Variants in NELL1 observed in about 807,000 individuals in gnomAD.
NELL1 encodes neural EGFL like 1, also known as protein kinase C-binding protein NELL1.
NELL1 carries 76 observed loss-of-function variants against 107.4 expected under a neutral mutation model. That is an observed-to-expected ratio of 0.71 (90% CI 0.59 to 0.86). The LOEUF is 0.86. Among genes scored for constraint, NELL1 ranks in the 40% least tolerant of loss-of-function variants. The pLI is 0.00. For missense variants in NELL1, 1,024 were observed against 1,005.5 expected (o/e 1.02, Z -0.25); for synonymous variants, 353 against 341.2 (o/e 1.03, Z -0.38).
chr11:21,282,346 AT>A (rs910764133), intron 14 of NELL1, among the ~76,000 whole-genome samples: 1 of 152,026 alleles, frequency 6.6e-6, no homozygotes, highest in East Asian at 1.9e-4. Context: ...CACCTGGCTA[AT>A]TTTTGTGGTT....
At chr11:21,445,451 C>T (rs1853401202) in intron 15 of NELL1, among the ~76,000 whole-genome samples, 1 of 152,036 alleles carries the variant, frequency 6.6e-6, no homozygotes, top group Non-Finnish European at 1.5e-5. Flanking sequence ...TTCAGCCTCC[C>T]GAGTAGCTGG....
chr11:21,285,713 T>C (rs748809975), intron 14 of NELL1, among the ~76,000 whole-genome samples: 7 of 152,228 alleles, frequency 4.6e-5, no homozygotes, highest in Non-Finnish European at 1.0e-4. Flanking sequence ...GAACTATCGA[T>C]TGTAAACTCT....
At chr11:21,209,119 C>A (rs1190173936) in intron 13 of NELL1, among the ~76,000 whole-genome samples, 1 of 152,176 alleles carries the variant, frequency 6.6e-6, no homozygotes, top group Non-Finnish European at 1.5e-5. Context: ...GATTCTGGCA[C>A]ATAACGGGTT....
At chr11:20,718,233 C>A (rs1855298869) in intron 2 of NELL1, among the ~76,000 whole-genome samples, 1 of 152,162 alleles carries the variant, frequency 6.6e-6, no homozygotes, top group Non-Finnish European at 1.5e-5. Flanking sequence ...CCTATAGTCA[C>A]AAGCCACACG....
At chr11:20,699,384 G>A (rs1315428813) in intron 2 of NELL1, among the ~76,000 whole-genome samples, 1 of 150,312 alleles carries the variant, frequency 6.7e-6, no homozygotes, top group Non-Finnish European at 1.5e-5. Context: ...TTTTTGAGAT[G>A]GAGTCTCGCT....
chr11:21,522,060 C>T (rs942324242), intron 15 of NELL1, among the ~76,000 whole-genome samples: 6 of 152,060 alleles, frequency 3.9e-5, no homozygotes, highest in African/African-American at 1.4e-4. Context: ...TGTCTCTTCA[C>T]TCTGTTGTGC....
chr11:21,506,135 T>C (rs11601244), intron 15 of NELL1, among the ~76,000 whole-genome samples: 23,266 of 152,222 alleles, frequency 0.15, 1,950 homozygotes, highest in Non-Finnish European at 0.19. Context: ...AATGATATTG[T>C]TAAAAGGCCA....
intron 14 of NELL1, among the ~76,000 whole-genome samples, chr11:21,273,091 G>A (rs1590792366): frequency 6.6e-6 from 1 of 152,016 alleles, no homozygotes; most frequent in African/African-American, 2.4e-5. Flanking sequence ...GGCTTCAGAC[G>A]ATCAAACTAC....
intron 2 of NELL1, among the ~76,000 whole-genome samples, chr11:20,719,468 G>A (rs1171548959): frequency 6.6e-6 from 1 of 151,820 alleles, no homozygotes; most frequent in Non-Finnish European, 1.5e-5. Context: ...TTGGAAAAAG[G>A]AAGAATGGAG....
At chr11:21,431,086 TATG>T (rs1335691084) in intron 15 of NELL1, among the ~76,000 whole-genome samples, 2 of 152,158 alleles carry the variant, frequency 1.3e-5, no homozygotes, top group Non-Finnish European at 2.9e-5. Context: ...TATCATAATT[TATG>T]ATGATATTGA....
At chr11:21,227,543 A>G (rs1017850256) in intron 13 of NELL1, among the ~76,000 whole-genome samples, 1 of 152,178 alleles carries the variant, frequency 6.6e-6, no homozygotes, top group African/African-American at 2.4e-5. Flanking sequence ...CTTGGAGTAT[A>G]AGTCTGAATC....
At chr11:20,804,085 A>T (rs116921725) in intron 3 of NELL1, among the ~76,000 whole-genome samples, 11,161 of 151,552 alleles carry the variant, frequency 0.074, 476 homozygotes, top group Middle Eastern at 0.16. Context: ...ATATTCCATT[A>T]GTTCTGCCCC....
At position 21,117,925 on chromosome 11, in the gene NELL1, T is replaced by C. The variant is rs185018547; in HGVS notation, c.1426+4211T>C. ...TCCACAAAGGGATGAGAAAATACTG[T>C]CCTACCTCATGCCTGGAATGGTAGA... On this transcript the variant is annotated intron_variant, in intron 13 of 19. Coordinates refer to ENST00000357134, the MANE Select transcript of NELL1 (RefSeq NM_006157.5). 8.8e-4 allele frequency among the ~76,000 whole-genome samples: 134 copies of C among 152,088 alleles called. No individual in the cohort carries two copies. In the South Asian group the frequency reaches 9.5e-3, roughly 11 times the overall value.
At chr11:21,408,770 G>A (rs1187108595) in intron 15 of NELL1, among the ~76,000 whole-genome samples, 4 of 152,056 alleles carry the variant, frequency 2.6e-5, no homozygotes, top group African/African-American at 9.7e-5. Context: ...AGTGGGCAAA[G>A]GACATGAACA....
At chr11:20,846,407 T>C (rs922382375) in intron 3 of NELL1, among the ~76,000 whole-genome samples, 1 of 152,214 alleles carries the variant, frequency 6.6e-6, no homozygotes, top group Non-Finnish European at 1.5e-5. Flanking sequence ...ACCCTTTGGC[T>C]TGTGGGGTTA....
intron 14 of NELL1, chr11:21,262,447 G>C (rs2133924067): frequency 6.6e-6 from 1 of 151,950 alleles, no homozygotes; most frequent in South Asian, 2.1e-4. Flanking sequence ...TCTGATAACT[G>C]TCTTATGAAG....
intron 5 of NELL1, among the ~76,000 whole-genome samples, chr11:20,909,047 A>G (rs779501265): frequency 6.6e-6 from 1 of 152,224 alleles, no homozygotes; most frequent in Non-Finnish European, 1.5e-5. Context: ...TAAGCCCTAA[A>G]AACTATGCTA....
At chr11:20,918,109 T>C (rs3740874) in intron 5 of NELL1, 73 bp from the exon 6 acceptor site, 42,287 of 831,012 alleles carry the variant, frequency 0.051, 1,303 homozygotes, top group East Asian at 0.096. Context: ...CTGCCAAGAG[T>C]ATGTGATTGC....
At chr11:20,773,121 C>A (rs1012534854) in intron 2 of NELL1, among the ~76,000 whole-genome samples, 1 of 152,162 alleles carries the variant, frequency 6.6e-6, no homozygotes, top group African/African-American at 2.4e-5. Context: ...CCCTGGCTGG[C>A]AACCCCTGCT....
Sources: gnomAD v4.1 joint callset for allele counts (sites outside exome capture counted in the v4.1 genomes callset) on GRCh38, gnomAD v4.1.1 for gene constraint, MANE v1.5 for transcripts, NCBI Gene and HGNC (gene_info 2026-07-23, HGNC 2026-07-21) for gene names.